The following SCIN variants were observed in gnomAD, a reference collection of about 807,000 sequenced individuals.
SCIN encodes scinderin, also known as adseverin.
Under a neutral mutation model 91.8 loss-of-function variants are expected in SCIN, and 91 were observed. That is an observed-to-expected ratio of 0.99 (90% confidence interval 0.84 to 1.18). The LOEUF (loss-of-function observed/expected upper bound fraction) is 1.18. Ranked by LOEUF, SCIN falls within the 50% of genes most tolerant of loss-of-function variation. The probability of loss-of-function intolerance (pLI) is 0.00; values close to 1 mark genes in which losing one functional copy is unlikely to be tolerated. For missense variants in SCIN, 1,087 were observed against 863.9 expected (o/e 1.26, Z -3.24); for synonymous variants, 367 against 312.6 (o/e 1.17, Z -1.84).
chr7:12,631,753 C>A (rs1284599796), intron 9 of SCIN, among the ~76,000 whole-genome samples: 1 of 152,104 alleles, frequency 6.6e-6, no homozygotes, highest in Non-Finnish European at 1.5e-5. Context: ...GTTCCTTTTC[C>A]TTATAAATTA....
At chr7:12,582,952 A>G (rs1332302329) in intron 3 of SCIN, among the ~76,000 whole-genome samples, 2 of 152,164 alleles carry the variant, frequency 1.3e-5, no homozygotes, top group African/African-American at 4.8e-5. Context: ...TTTTTATTAG[A>G]AAAAGGAGAC....
intron 3 of SCIN, among the ~76,000 whole-genome samples, chr7:12,603,916 TC>T (rs1009790895): frequency 3.5e-4 from 52 of 148,600 alleles, no homozygotes; most frequent in African/African-American, 1.1e-3. Context: ...GTGGTTTTTT[TC>T]TCCTTTTATG....
intron 9 of SCIN, 122 bp downstream of exon 9, chr7:12,629,344 A>G (rs1369679827): frequency 2.2e-6 from 2 of 900,130 alleles, no homozygotes; most frequent in East Asian, 2.8e-5. Flanking sequence ...TTTGTATAGC[A>G]TGCATATAGT....
chr7:12,606,903 T>C (rs962743995), intron 4 of SCIN, among the ~76,000 whole-genome samples: 2 of 152,186 alleles, frequency 1.3e-5, no homozygotes, highest in South Asian at 4.1e-4. Flanking sequence ...CAAAACAAAT[T>C]CTTGATCTTT....
intron 3 of SCIN, among the ~76,000 whole-genome samples, chr7:12,602,291 A>C (rs1434551957): frequency 2.6e-5 from 4 of 152,204 alleles, no homozygotes; most frequent in Admixed American, 1.3e-4. Flanking sequence ...CAAAGATCAC[A>C]TGCTTCAAAG....
intron 13 of SCIN, among the ~76,000 whole-genome samples, chr7:12,647,946 C>T (rs1365634682): frequency 6.6e-6 from 1 of 152,100 alleles, no homozygotes; most frequent in East Asian, 1.9e-4. Flanking sequence ...ATGACATGGC[C>T]AACGCCCCAG....
intron 4 of SCIN, among the ~76,000 whole-genome samples, chr7:12,616,458 G>C (rs1783301269): frequency 6.6e-6 from 1 of 152,102 alleles, no homozygotes; most frequent in African/African-American, 2.4e-5. Context: ...GGCCTCACCA[G>C]ATTCTGCTAC....
Position 12,652,730 on chromosome 7 carries a change from A to T in SCIN, c.*15A>T, listed in dbSNP as rs758794713. On this transcript the variant is annotated 3_prime_UTR_variant, in exon 16 of 16. Coordinates refer to ENST00000297029, the MANE Select transcript of SCIN (RefSeq NM_001112706.3). Reference sequence around the variant, plus strand: ...GCAAGTGGTAAATTGGTATTTGTAAAAAGCAAACAAACATTACAAGGCAGT... The same window carrying T: ...GCAAGTGGTAAATTGGTATTTGTAATAAGCAAACAAACATTACAAGGCAGT... 2 of 1,600,298 alleles carry T rather than the reference A, an allele frequency of 1.2e-6. No individual in the cohort carries two copies. The highest frequency in any genetic ancestry group is 1.4e-5 in the African/African-American group (1 of 73,648).
At chr7:12,646,252 A>G (rs369728514) in intron 13 of SCIN, among the ~76,000 whole-genome samples, 19 of 152,328 alleles carry the variant, frequency 1.2e-4, no homozygotes, top group East Asian at 9.6e-4. Context: ...TTAAACCACA[A>G]ACATTTATTT....
Position 12,635,884 on chromosome 7 carries a change from T to C in SCIN, c.1320-161T>C, listed in dbSNP as rs142548837. Reference sequence around the variant, plus strand: ...GACAACACATAGGACAATTAAATGTTAGATACCTTGACAAAAACAATAGCT... The same window carrying C: ...GACAACACATAGGACAATTAAATGTCAGATACCTTGACAAAAACAATAGCT... On this transcript the variant is annotated intron_variant, in intron 9 of 15. Coordinates refer to ENST00000297029, the MANE Select transcript of SCIN (RefSeq NM_001112706.3). Among the ~76,000 whole-genome samples, 386 of 152,282 alleles carry C rather than the reference T, an allele frequency of 2.5e-3. 2 individuals carry two copies. The highest frequency in any genetic ancestry group is 6.8e-3 in the Middle Eastern group (2 of 294).
intron 3 of SCIN, among the ~76,000 whole-genome samples, chr7:12,599,339 T>C (rs1039643787): frequency 6.6e-6 from 1 of 151,986 alleles, no homozygotes; most frequent in Middle Eastern, 3.4e-3. Flanking sequence ...AAGAGGAATT[T>C]TAGCAAAACA....
chr7:12,607,827 A>C (rs1783109686), intron 4 of SCIN, among the ~76,000 whole-genome samples: 2 of 152,224 alleles, frequency 1.3e-5, no homozygotes. Context: ...GAGCACCTAT[A>C]ACAAACTTGT....
At chr7:12,585,192 C>G (rs1014343066) in intron 3 of SCIN, among the ~76,000 whole-genome samples, 4 of 152,150 alleles carry the variant, frequency 2.6e-5, no homozygotes, top group Non-Finnish European at 4.4e-5. Context: ...GGAAAATGTT[C>G]TTGTTATGGG....
In SCIN at chr7:12,636,265, A is replaced by G. The variant is rs1783750174; in HGVS notation, c.1410+130A>G. 5 of 633,882 alleles carry G rather than the reference A, an allele frequency of 7.9e-6. No homozygotes were observed. The East Asian group carries it at 1.4e-4, about 18-fold the overall frequency. The allele number at this position is 633,882 out of a possible 1,614,324, so 39.3% of individuals were successfully genotyped here. A position where few individuals can be genotyped will look rare whatever the true frequency, so the allele number is the denominator to read the frequency against. On this transcript the variant is annotated intron_variant, in intron 10 of 15. Coordinates refer to ENST00000297029, the MANE Select transcript of SCIN (RefSeq NM_001112706.3). ...TGATATGAACTGTGTTTTCATTTTG[A>G]AATTCAAATATTCCTACTCTCATTT...
intron 1 of SCIN, among the ~76,000 whole-genome samples, chr7:12,576,250 C>A (rs1562592494): frequency 1.3e-5 from 2 of 152,196 alleles, no homozygotes; most frequent in Middle Eastern, 6.8e-3. Context: ...AGAATGACAC[C>A]AGAGTCCTTT....
intron 3 of SCIN, among the ~76,000 whole-genome samples, chr7:12,590,224 A>G (rs1292549827): frequency 6.6e-6 from 1 of 152,192 alleles, no homozygotes; most frequent in Non-Finnish European, 1.5e-5. Context: ...CTACCCACCT[A>G]GAGAAGGTGT....
At position 12,604,616 on chromosome 7, in the gene SCIN, G is replaced by C; in HGVS notation, c.619G>C (p.Glu207Gln). ...GTACAATGAAAGGAAAGGAAGGTCTGAACTAATTGTCGTGGAAGAAGGAAG... is the reference window on the plus strand; with the variant it reads ...GTACAATGAAAGGAAAGGAAGGTCTCAACTAATTGTCGTGGAAGAAGGAAG... Reference protein sequence around the residue: ...IRYNERKGRSELIVVEEGSEP... With the variant: ...IRYNERKGRSQLIVVEEGSEP... Residue 207 changes from glutamate to glutamine, a missense_variant, in exon 4 of 16, where the codon GAA becomes CAA. Glu to Gln is a conservative substitution (Grantham distance 29). Transcript: ENST00000297029. 3 of 1,552,158 alleles carry C rather than the reference G, an allele frequency of 1.9e-6. No homozygotes were observed. The highest frequency in any genetic ancestry group is 2.6e-6 in the Non-Finnish European group (3 of 1,147,102).
intron 13 of SCIN, 68 bp downstream of exon 13, chr7:12,644,773 T>A: frequency 1.0e-5 from 15 of 1,495,348 alleles, no homozygotes; most frequent in Non-Finnish European, 1.3e-5. Context: ...CCCAGCACTT[T>A]GGGAGGCCGA....
At chr7:12,573,372 A>C (rs1463856796) in intron 1 of SCIN, among the ~76,000 whole-genome samples, 1 of 152,160 alleles carries the variant, frequency 6.6e-6, no homozygotes, top group Non-Finnish European at 1.5e-5. Flanking sequence ...GCCAAATGGG[A>C]GGCAAAAAGG....
Sources: gnomAD v4.1 joint callset for allele counts (sites outside exome capture counted in the v4.1 genomes callset) on GRCh38, gnomAD v4.1.1 for gene constraint, MANE v1.5 for transcripts, NCBI Gene and HGNC (gene_info 2026-07-23, HGNC 2026-07-21) for gene names.